The following RPTOR variants were observed in gnomAD, a reference collection of about 807,000 sequenced individuals.
RPTOR encodes regulatory associated protein of MTOR complex 1.
Under a neutral mutation model 169.9 loss-of-function variants are expected in RPTOR, and 21 were observed. The observed-to-expected ratio is 0.12, with a 90% confidence interval of 0.09 to 0.18. The LOEUF (loss-of-function observed/expected upper bound fraction) is 0.18. Ranked by LOEUF, RPTOR falls within the 10% of genes least tolerant of loss-of-function variation. The pLI, the probability that RPTOR is intolerant of heterozygous loss-of-function variation, is 1.00. For synonymous variants in RPTOR, 732 were observed against 753.2 expected (o/e 0.97, Z 0.46); for missense variants, 1,133 against 1,855.9 (o/e 0.61, Z 7.16).
chr17:80,775,890 T>C (rs1222872861), intron 6 of RPTOR, among the ~76,000 whole-genome samples: 8 of 152,282 alleles, frequency 5.3e-5, no homozygotes, highest in Admixed American at 4.6e-4. Context: ...TGTATTGTTT[T>C]TAATTTGAAG....
intron 4 of RPTOR, among the ~76,000 whole-genome samples, chr17:80,720,969 G>A (rs1385509180): frequency 6.6e-6 from 1 of 151,112 alleles, no homozygotes; most frequent in Non-Finnish European, 1.5e-5. Flanking sequence ...CTTACGTGTC[G>A]GGAGAGACAC....
chr17:80,963,151 C>T, intron 33 of RPTOR, 94 bp downstream of exon 33: 1 of 1,232,964 alleles, frequency 8.1e-7, no homozygotes, highest in Non-Finnish European at 1.1e-6. Flanking sequence ...TGCCTGGCTA[C>T]CCCACACCAC....
chr17:80,572,592 G>T (rs767375779), intron 1 of RPTOR, among the ~76,000 whole-genome samples: 4 of 152,044 alleles, frequency 2.6e-5, no homozygotes, highest in Non-Finnish European at 5.9e-5. Flanking sequence ...GGGCATGGTG[G>T]TGCACACCTG....
intron 21 of RPTOR, among the ~76,000 whole-genome samples, chr17:80,918,412 C>T (rs952028491): frequency 1.3e-5 from 2 of 151,884 alleles, no homozygotes; most frequent in African/African-American, 2.4e-5. Flanking sequence ...CGAGCACCCT[C>T]GCGGGGGTCA....
At chr17:80,756,165 C>T (rs1163319942) in intron 6 of RPTOR, among the ~76,000 whole-genome samples, 1 of 151,248 alleles carries the variant, frequency 6.6e-6, no homozygotes, top group Admixed American at 6.6e-5. Flanking sequence ...AGGTTAATGT[C>T]ACTGTCACAG....
At chr17:80,927,924 T>C (rs958866105) in intron 24 of RPTOR, among the ~76,000 whole-genome samples, 4 of 152,164 alleles carry the variant, frequency 2.6e-5, no homozygotes, top group African/African-American at 9.6e-5. Context: ...TGCCAGCAGG[T>C]CCTGCTGTGT....
chr17:80,618,298 A>C (rs1213081147), intron 1 of RPTOR, among the ~76,000 whole-genome samples: 10 of 152,218 alleles, frequency 6.6e-5, no homozygotes, highest in East Asian at 1.9e-4. Context: ...AAACAGTTGC[A>C]GTTTCTATAA....
intron 3 of RPTOR, among the ~76,000 whole-genome samples, chr17:80,658,844 T>C (rs1160765402): frequency 6.6e-6 from 1 of 152,236 alleles, no homozygotes; most frequent in East Asian, 1.9e-4. Flanking sequence ...TCCATTCGAT[T>C]CTTTATCAAT....
intron 6 of RPTOR, chr17:80,774,183 G>A (rs1323752068): frequency 8.1e-6 from 8 of 985,240 alleles, no homozygotes; most frequent in Non-Finnish European, 9.6e-6. Context: ...GAGTCTGGAT[G>A]TCAAGCTGGT....
intron 1 of RPTOR, among the ~76,000 whole-genome samples, chr17:80,617,477 T>C (rs1180689313): frequency 6.6e-6 from 1 of 152,214 alleles, no homozygotes; most frequent in Admixed American, 6.5e-5. Flanking sequence ...ATATACGCCA[T>C]TTAATTATGC....
intron 1 of RPTOR, among the ~76,000 whole-genome samples, chr17:80,611,619 A>G (rs2065271530): frequency 6.6e-6 from 1 of 152,146 alleles, no homozygotes; most frequent in African/African-American, 2.4e-5. Flanking sequence ...TCTCATAAGA[A>G]TTCAAACATC....
At chr17:80,791,380 C>T in intron 6 of RPTOR, 70 bp from the exon 7 acceptor site, 2 of 1,420,190 alleles carry the variant, frequency 1.4e-6, no homozygotes, top group African/African-American at 1.4e-5. Context: ...TTCCCTTTTT[C>T]TGCAGGCCTG....
At chr17:80,849,364 A>T (rs182054944) in intron 11 of RPTOR, among the ~76,000 whole-genome samples, 3 of 152,314 alleles carry the variant, frequency 2.0e-5, no homozygotes, top group African/African-American at 7.2e-5. Context: ...GGTCCGGCTG[A>T]TTCGCAGCCC....
chr17:80,634,366 CATACT>C (rs1567830697), intron 2 of RPTOR, among the ~76,000 whole-genome samples: 3 of 61,228 alleles, frequency 4.9e-5, no homozygotes, highest in Non-Finnish European at 3.0e-5. Flanking sequence ...ACTGTGTGTG[CATACT>C]GTGTGTGTGC....
chr17:80,675,111 T>C (rs1208828293), intron 3 of RPTOR, among the ~76,000 whole-genome samples: 3 of 152,210 alleles, frequency 2.0e-5, no homozygotes, highest in African/African-American at 2.4e-5. Flanking sequence ...TTGAAGCCTT[T>C]CCATTTTCAT....
At chr17:80,554,742 T>TCAAAACAAAACAAAA (rs147306840) in intron 1 of RPTOR, among the ~76,000 whole-genome samples, 132 of 143,982 alleles carry the variant, frequency 9.2e-4, no homozygotes, top group Middle Eastern at 6.9e-3. Context: ...AGACTCTGTC[T>TCAAAACAAAACAAAA]CAAAACAAAA....
intron 1 of RPTOR, among the ~76,000 whole-genome samples, chr17:80,620,495 T>C (rs1247720110): frequency 6.6e-6 from 1 of 152,242 alleles, no homozygotes; most frequent in African/African-American, 2.4e-5. Flanking sequence ...CCAGGTGTGG[T>C]GGCTCACACC....
At chr17:80,828,990 C>T (rs556746965) in intron 9 of RPTOR, among the ~76,000 whole-genome samples, 6 of 152,308 alleles carry the variant, frequency 3.9e-5, no homozygotes, top group Admixed American at 3.9e-4. Context: ...AGCAATAAAA[C>T]ACTAAACAGA....
chr17:80,837,810 C>T (rs568812406), intron 9 of RPTOR, 112 bp from the exon 10 acceptor site: 21 of 1,008,854 alleles, frequency 2.1e-5, no homozygotes, highest in East Asian at 5.2e-5. Context: ...CCGTGGCCTC[C>T]GCCCAGACCC....
Sources: gnomAD v4.1 joint callset for allele counts (sites outside exome capture counted in the v4.1 genomes callset) on GRCh38, gnomAD v4.1.1 for gene constraint, MANE v1.5 for transcripts, NCBI Gene and HGNC (gene_info 2026-07-23, HGNC 2026-07-21) for gene names.